The following MTOR variants were observed in gnomAD, a reference collection of about 807,000 sequenced individuals.
MTOR encodes serine/threonine-protein kinase mTOR.
In MTOR, 70 loss-of-function variants were observed where a neutral mutation model predicts 319.8. The observed-to-expected ratio is 0.22, with a 90% CI of 0.18 to 0.27. The LOEUF (loss-of-function observed/expected upper bound fraction) is 0.27. Ranked by LOEUF, MTOR falls within the 10% of genes least tolerant of loss-of-function variation. The pLI is 1.00. For synonymous variants in MTOR, 1,183 were observed against 1,211.4 expected, an observed-to-expected ratio of 0.98 and a Z score of 0.49; for missense variants, 1,890 against 3,274.4, an observed-to-expected ratio of 0.58 and a Z score of 10.32.
At chr1:11,166,984 CT>C (rs760211283) in intron 29 of MTOR, among the ~76,000 whole-genome samples, 17 of 152,236 alleles carry the variant, frequency 1.1e-4, no homozygotes, top group Middle Eastern at 3.4e-3. Flanking sequence ...TCTCAGTGAA[CT>C]ATCGCAAAGA....
At chr1:11,255,794 C>A (rs1650318496) in intron 5 of MTOR, among the ~76,000 whole-genome samples, 198 bp downstream of exon 5, 1 of 150,662 alleles carries the variant, frequency 6.6e-6, no homozygotes, top group Non-Finnish European at 1.5e-5. Context: ...TTGCAGTGAG[C>A]CGAGATTGCG....
At chr1:11,188,462 G>C (rs369069193) in intron 28 of MTOR, among the ~76,000 whole-genome samples, 1 of 152,140 alleles carries the variant, frequency 6.6e-6, no homozygotes, top group Non-Finnish European at 1.5e-5. Flanking sequence ...GGATTTATTA[G>C]GTGACAGGGA....
At chr1:11,211,006 T>C (rs1285720021) in intron 23 of MTOR, 100 bp from the exon 24 acceptor site, 52 of 697,802 alleles carry the variant, frequency 7.5e-5, no homozygotes, top group Non-Finnish European at 7.5e-5. Context: ...CCATTTCTTC[T>C]GGGTTTGTGG....
chr1:11,194,326 C>T, intron 28 of MTOR: 1 of 833,652 alleles, frequency 1.2e-6, no homozygotes, highest in South Asian at 1.7e-5. Flanking sequence ...TGGAGGTAAA[C>T]AAGTAATAAA....
At chr1:11,227,154 C>T (rs1307472103) in intron 19 of MTOR, among the ~76,000 whole-genome samples, 2 of 151,054 alleles carry the variant, frequency 1.3e-5, no homozygotes, top group South Asian at 2.1e-4. Flanking sequence ...AAAAATTAGC[C>T]GGGCTTGGTG....
Position 11,150,209 on chromosome 1 carries a change from T to A in MTOR, c.4487A>T (p.Gln1496Leu), listed in dbSNP as rs1441021703. The change falls in exon 31 of 58, where the codon CAG becomes CTG. Residue 1496 changes from glutamine (Q) to leucine (L), a missense_variant. Gln to Leu is a moderately radical substitution (Grantham distance 113). This residue lies in a region of MTOR where 276 missense variants were observed against 459.4 expected (regional missense o/e 0.60). Transcript: ENST00000361445. ...ALGEWGQLHQ[Q>L]CCEKWTLVND... ...AACCAGGGTCCACTTTTCACAGCAC[T>A]GCTGGTGGAGTTGACCCCTGAAGAA... The A allele has an allele frequency of 4.3e-6, 7 of 1,613,876 alleles. No individual in the cohort carries two copies. The East Asian group carries it at 1.6e-4, about 36-fold the overall frequency.
At chr1:11,185,644 G>A (rs1645295718) in intron 28 of MTOR, among the ~76,000 whole-genome samples, 1 of 152,092 alleles carries the variant, frequency 6.6e-6, no homozygotes, top group Non-Finnish European at 1.5e-5. Flanking sequence ...CTAAGAGAAG[G>A]CCTGAGAGAA....
At chr1:11,225,587 A>G (rs1463839514) in intron 19 of MTOR, among the ~76,000 whole-genome samples, 3 of 152,026 alleles carry the variant, frequency 2.0e-5, no homozygotes, top group Non-Finnish European at 4.4e-5. Flanking sequence ...ATGCCCGGCT[A>G]ATTTTTGTAT....
chr1:11,132,123 T>C (rs1458730014), intron 38 of MTOR: 1 of 152,196 alleles, frequency 6.6e-6, no homozygotes, highest in East Asian at 1.9e-4. Flanking sequence ...AGGAAAAGCT[T>C]TTAAAAACTA....
Position 11,124,600 on chromosome 1 carries a change from T to C in MTOR, c.6560A>G (p.Lys2187Arg). Residue 2187 changes from lysine (K) to arginine (R), a missense_variant, in exon 47 of 58, where the codon AAA becomes AGA. Transcript: ENST00000361445. ...ATCCTGGCGCAGATCTTCATGGCCT[T>C]TTAGAAGGAAAACAAACTCATGTCC... ...SNGHEFVFLL[K>R]GHEDLRQDER... 6.2e-7 allele frequency: 1 copy of C among 1,611,628 alleles called. No individual in the cohort carries two copies. Among genetic ancestry groups the C allele is most frequent in the Non-Finnish European group, 8.5e-7 (1 of 1,177,814 alleles).
At chr1:11,176,007 C>T (rs1484167322) in intron 28 of MTOR, among the ~76,000 whole-genome samples, 1 of 152,198 alleles carries the variant, frequency 6.6e-6, no homozygotes, top group African/African-American at 2.4e-5. Context: ...CTCAGCCTCC[C>T]AAAGTGCTGG....
intron 17 of MTOR, 51 bp downstream of exon 17, chr1:11,231,247 CTT>C: frequency 6.2e-6 from 10 of 1,609,644 alleles, no homozygotes; most frequent in Admixed American, 3.3e-5. Context: ...CCATCTCTCT[CTT>C]GCCATCGTCC....
At chr1:11,258,421 A>G (rs925827644) in intron 3 of MTOR, 64 bp downstream of exon 3, 6 of 1,122,478 alleles carry the variant, frequency 5.3e-6, no homozygotes, top group Non-Finnish European at 6.6e-6. Context: ...TAAGTGGCAG[A>G]CACAGGGTGC....
chr1:11,225,241 T>C (rs1569655085), intron 19 of MTOR, among the ~76,000 whole-genome samples: 2 of 152,296 alleles, frequency 1.3e-5, no homozygotes, highest in South Asian at 2.1e-4. Flanking sequence ...TCCCCCCACA[T>C]ATCTTACGGT....
At chr1:11,244,913 T>C (rs1361730089) in intron 8 of MTOR, among the ~76,000 whole-genome samples, 1 of 152,190 alleles carries the variant, frequency 6.6e-6, no homozygotes, top group Non-Finnish European at 1.5e-5. Context: ...TCTGGGTTTA[T>C]GTAAATACAT....
At chr1:11,181,491 C>A (rs1481380460) in intron 28 of MTOR, among the ~76,000 whole-genome samples, 1 of 152,076 alleles carries the variant, frequency 6.6e-6, no homozygotes, top group Non-Finnish European at 1.5e-5. Context: ...CACCACTACA[C>A]TCAAGCCTGG....
chr1:11,242,870 C>A (rs1648266045), intron 9 of MTOR, among the ~76,000 whole-genome samples: 1 of 152,190 alleles, frequency 6.6e-6, no homozygotes, highest in African/African-American at 2.4e-5. Context: ...AATAATAACA[C>A]TGAAAATAGC....
Position 11,238,178 on chromosome 1 carries a change from A to G in MTOR, c.2003-130T>C, listed in dbSNP as rs1031468883. 7.8e-5 allele frequency: 76 copies of G among 977,176 alleles called. 1 individual carries two copies. Among genetic ancestry groups the G allele is most frequent in the Non-Finnish European group, 3.1e-6 (2 of 651,324 alleles). 60.5% of individuals were successfully genotyped at this position (977,176 alleles called of 1,614,324 possible). The stretch of plus-strand genomic sequence containing the variant: ...TGCTTTTTCTCATCTAACCTCTGTC[A>G]TTCTTTTCTCTACTCACAAGAGTAA... On this transcript the variant is annotated intron_variant, in intron 12 of 57. Transcript: ENST00000361445.
At chr1:11,111,055 C>T (rs1570899040) in intron 54 of MTOR, 1 of 451,894 alleles carries the variant, frequency 2.2e-6, no homozygotes, top group Non-Finnish European at 4.5e-6. Flanking sequence ...GTCCTATGAG[C>T]CTGGTGATTC....
Sources: allele counts gnomAD v4.1 joint callset (sites outside exome capture counted in the v4.1 genomes callset), GRCh38; gene constraint gnomAD v4.1.1; regional missense constraint gnomAD v4.1.1; transcripts MANE v1.5; gene names NCBI Gene and HGNC (gene_info 2026-07-23, HGNC 2026-07-21).